The following TSKS variants were observed in gnomAD, a reference collection of about 807,000 sequenced individuals.
The protein encoded by TSKS is testis-specific serine kinase substrate.
Under a neutral mutation model 68.0 loss-of-function variants are expected in TSKS, and 27 were observed. The ratio of observed to expected loss-of-function variants is 0.40; its 90% CI spans 0.29 to 0.55. The LOEUF (loss-of-function observed/expected upper bound fraction) is 0.55, where lower values mean the gene tolerates loss of function less well. Among genes scored for constraint, TSKS ranks in the 20% least tolerant of loss-of-function variants. The pLI, the probability that TSKS is intolerant of heterozygous loss-of-function variation, is 0.53. For synonymous variants in TSKS, 331 were observed against 340.4 expected, an observed-to-expected ratio of 0.97 and a Z score of 0.30; for missense variants, 806 against 776.0, an observed-to-expected ratio of 1.04 and a Z score of -0.46.
intron 2 of TSKS, among the ~76,000 whole-genome samples, chr19:49,759,489 A>T (rs1389545964): frequency 8.8e-6 from 1 of 114,146 alleles, no homozygotes; most frequent in Non-Finnish European, 1.7e-5. Flanking sequence ...AAAAAAAATT[A>T]CCTGGGTGTG....
chr19:49,749,433 G>A lies in TSKS; in HGVS notation c.400-964C>T, dbSNP rs190154389. On this transcript the variant is annotated intron_variant, in intron 2 of 10. Transcript: ENST00000246801. ...AGTGTTGTGCGACTCCTGCCAATCC[G>A]TGGTTCAGGAGGGATGCATGTGGTA... Among the ~76,000 whole-genome samples, 16 of 152,262 alleles carry A rather than the reference G, an allele frequency of 1.1e-4. No homozygotes were observed. The East Asian group carries it at 1.9e-3, about 18-fold the overall frequency.
intron 9 of TSKS, chr19:49,740,403 TC>T: frequency 1.7e-6 from 1 of 575,724 alleles, no homozygotes; most frequent in South Asian, 2.3e-5. Context: ...CTATTGTCTG[TC>T]CCATGATGCA....
chr19:49,744,464 A>T, intron 7 of TSKS, 60 bp from the exon 8 acceptor site: 1 of 1,544,606 alleles, frequency 6.5e-7, no homozygotes, highest in Non-Finnish European at 8.8e-7. Flanking sequence ...CCCTGGCAAG[A>T]CTCCACCCAT....
rs1017750851 is a variant in TSKS at position 49,745,530 on chromosome 19, G to T, written c.993-134C>A. Reference sequence around the variant, plus strand: ...ATGCCCGTGGCTCCAGACCCACCCAGGTCACCAAATTTTATTGCACCCTCC... The same window carrying T: ...ATGCCCGTGGCTCCAGACCCACCCATGTCACCAAATTTTATTGCACCCTCC... On this transcript the variant is annotated intron_variant, in intron 6 of 10. Coordinates refer to ENST00000246801, the MANE Select transcript of TSKS (RefSeq NM_021733.2). The T allele has an allele frequency of 2.8e-4, 193 of 684,896 alleles. No individual in the cohort carries two copies. In the African/African-American group the frequency reaches 3.0e-3, roughly 11 times the overall value. 42.4% of individuals were successfully genotyped at this position (684,896 alleles called of 1,614,324 possible).
chr19:49,748,348 G>T (rs1331649545), intron 3 of TSKS, 26 bp downstream of exon 3: 3 of 1,609,742 alleles, frequency 1.9e-6, no homozygotes, highest in Non-Finnish European at 2.5e-6. Context: ...GGAAGGGCAG[G>T]TGTTGGATAT....
chr19:49,746,760 C>T lies in TSKS; in HGVS notation c.702G>A (p.Glu234=). The T allele has an allele frequency of 6.2e-7, 1 of 1,601,378 alleles. No individual in the cohort carries two copies. The highest frequency in any genetic ancestry group is 8.5e-7 in the Non-Finnish European group (1 of 1,179,780). Reference sequence around the variant, plus strand: ...GCTCGGCCTCCTGCCGTCGCGGCGTCTCATCCTGCAGCTGCTGCTGGAGGT... The same window carrying T: ...GCTCGGCCTCCTGCCGTCGCGGCGTTTCATCCTGCAGCTGCTGCTGGAGGT... ...LRYLQQQLQD[E]TPRRQEAELQ... is the part of the protein sequence containing the mutation. The change falls in exon 6 of 11, where the codon GAG becomes GAA. Residue 234 remains glutamate, a synonymous_variant. Transcript: ENST00000246801.
Position 49,747,428 on chromosome 19 carries a change from G to T in TSKS, c.624C>A (p.Ile208=), listed in dbSNP as rs1340873913. ...AATTCTGCTTCAAGACGTTGGTTTT[G>T]ATTTCAGCATCTTCCACAGACCGGG... ...KVTRSVEDAE[I]KTNVLKQNSA... Residue 208 remains isoleucine (I), a synonymous_variant, in exon 5 of 11, where the codon ATC becomes ATA. Coordinates refer to ENST00000246801, the MANE Select transcript of TSKS (RefSeq NM_021733.2). The T allele has an allele frequency of 6.2e-7, 1 of 1,614,170 alleles. No homozygotes were observed. The highest frequency in any genetic ancestry group is 1.1e-5 in the South Asian group (1 of 91,080).
At chr19:49,758,902 G>C (rs1331205081) in intron 2 of TSKS, among the ~76,000 whole-genome samples, 1 of 151,686 alleles carries the variant, frequency 6.6e-6, no homozygotes, top group Non-Finnish European at 1.5e-5. Context: ...TTGTTGCCCA[G>C]GCTGGAGTGC....
intron 2 of TSKS, among the ~76,000 whole-genome samples, chr19:49,754,514 T>A (rs2084378074): frequency 6.7e-6 from 1 of 149,928 alleles, no homozygotes; most frequent in African/African-American, 2.5e-5. Flanking sequence ...AAATAAAAAA[T>A]AAAAAATGGC....
At chr19:49,744,118 C>T in intron 8 of TSKS, 113 bp downstream of exon 8, 1 of 1,143,808 alleles carries the variant, frequency 8.7e-7, no homozygotes, top group Non-Finnish European at 1.3e-6. Context: ...CACTGGGATA[C>T]CTTGTCTCCC....
intron 9 of TSKS, among the ~76,000 whole-genome samples, chr19:49,741,460 C>T (rs954967326): frequency 3.9e-5 from 6 of 152,176 alleles, no homozygotes; most frequent in Non-Finnish European, 5.9e-5. Flanking sequence ...TCCCATAACG[C>T]ATCAGCTAAC....
intron 2 of TSKS, among the ~76,000 whole-genome samples, chr19:49,750,889 T>C (rs1568564214): frequency 6.6e-6 from 1 of 152,190 alleles, no homozygotes; most frequent in Non-Finnish European, 1.5e-5. Flanking sequence ...ACACAAAAGA[T>C]AGACAGAATA....
intron 5 of TSKS, chr19:49,747,161 G>T (rs1273222175): frequency 1.3e-6 from 2 of 1,536,254 alleles, no homozygotes; most frequent in South Asian, 1.2e-5. Context: ...AGTCCAGCTC[G>T]ATTCTCTTTC....
At chr19:49,742,127 C>A in intron 8 of TSKS, 107 bp from the exon 9 acceptor site, 2 of 1,296,902 alleles carry the variant, frequency 1.5e-6, no homozygotes, top group African/African-American at 2.9e-5. Flanking sequence ...TTCCAGTATG[C>A]ACCCTATGCA....
At position 49,744,396 on chromosome 19, in the gene TSKS, C is replaced by T. The variant is rs748234547; in HGVS notation, c.1196G>A (p.Arg399Gln). The T allele has an allele frequency of 1.1e-5, 17 of 1,613,510 alleles. No individual in the cohort carries two copies. Among genetic ancestry groups the T allele is most frequent in the South Asian group, 4.4e-5 (4 of 91,070 alleles). The change falls in exon 8 of 11, where the codon CGG becomes CAG. Residue 399 changes from arginine to glutamine, a missense_variant. Physicochemically the swap from Arg to Gln is conservative, Grantham distance 43. Transcript: ENST00000246801. ...RADELCTMVE[R>Q]SAVSVASLRS... ...CAGTGAAGCCACAGACACTGCTGACCGCTCCACCCTGAGGCATGAGTAACC... is the reference window on the plus strand; with the variant it reads ...CAGTGAAGCCACAGACACTGCTGACTGCTCCACCCTGAGGCATGAGTAACC...
At chr19:49,747,349 C>G in intron 5 of TSKS, 40 bp downstream of exon 5, 3 of 1,613,928 alleles carry the variant, frequency 1.9e-6, no homozygotes, top group Non-Finnish European at 2.5e-6. Context: ...GTGCATCTGA[C>G]CTCCTCCCAC....
chr19:49,746,872 G>T, intron 5 of TSKS, 74 bp from the exon 6 acceptor site: 2 of 1,551,224 alleles, frequency 1.3e-6, no homozygotes, highest in South Asian at 2.4e-5. Context: ...CCCAAAATCC[G>T]CTCCAGTACT....
Position 49,761,960 on chromosome 19 carries a change from GA to G in TSKS, c.399+43del, listed in dbSNP as rs1418605835. On this transcript the variant is annotated intron_variant, in intron 2 of 10. Transcript: ENST00000246801. ...CCTAAGTATTTGCTACCACCTTGTG[GA>G]GGACCTCGGTCCTCCCCAGCGGGTG... 2.6e-6 allele frequency: 4 copies of G among 1,526,496 alleles called. No homozygotes were observed. The African/African-American group carries it at 4.1e-5, about 16-fold the overall frequency. The allele number at this position is 1,526,496 out of a possible 1,614,324, so 94.6% of individuals were successfully genotyped here.
At chr19:49,762,620 C>T (rs1568568616) in intron 1 of TSKS, among the ~76,000 whole-genome samples, 1 of 151,890 alleles carries the variant, frequency 6.6e-6, no homozygotes, top group Non-Finnish European at 1.5e-5. Flanking sequence ...GTAGAGATGG[C>T]TTTTCACCAT....
Sources: gnomAD v4.1 joint callset for allele counts (sites outside exome capture counted in the v4.1 genomes callset) on GRCh38, gnomAD v4.1.1 for gene constraint, MANE v1.5 for transcripts, NCBI Gene and HGNC (gene_info 2026-07-23, HGNC 2026-07-21) for gene names.